The following CCSER1 variants were observed in gnomAD, a reference collection of about 807,000 sequenced individuals.
The protein encoded by CCSER1 is serine-rich coiled-coil domain-containing protein 1.
CCSER1 carries 41 observed loss-of-function variants against 82.0 expected under a neutral mutation model. The ratio of observed to expected loss-of-function variants is 0.50; its 90% CI spans 0.39 to 0.65. The LOEUF (loss-of-function observed/expected upper bound fraction) is 0.65. Ranked by LOEUF, CCSER1 falls within the 30% of genes least tolerant of loss-of-function variation. The pLI is 0.00. For missense variants in CCSER1, 1,119 were observed against 1,064.2 expected (o/e 1.05, Z -0.72); for synonymous variants, 414 against 383.9 (o/e 1.08, Z -0.92).
intron 10 of CCSER1, among the ~76,000 whole-genome samples, chr4:91,178,982 G>T (rs1733708938): frequency 6.6e-6 from 1 of 151,920 alleles, no homozygotes; most frequent in Non-Finnish European, 1.5e-5. Context: ...AGGAGCTCTT[G>T]CAAGGCAGGC....
intron 10 of CCSER1, among the ~76,000 whole-genome samples, chr4:91,317,492 C>G (rs1745914608): frequency 6.6e-6 from 1 of 151,868 alleles, no homozygotes; most frequent in African/African-American, 2.4e-5. Flanking sequence ...GGGTAGGGCT[C>G]TCTGTTTTCT....
intron 9 of CCSER1, among the ~76,000 whole-genome samples, chr4:91,056,855 G>A (rs1743496895): frequency 6.6e-6 from 1 of 152,274 alleles, no homozygotes; most frequent in South Asian, 2.1e-4. Context: ...GGCATGTGTA[G>A]TGACTTTCTA....
At chr4:91,405,559 A>G (rs1381068348) in intron 10 of CCSER1, among the ~76,000 whole-genome samples, 1 of 152,158 alleles carries the variant, frequency 6.6e-6, no homozygotes, top group Non-Finnish European at 1.5e-5. Context: ...CAATCTACCT[A>G]CTGAAGCCTC....
At chr4:90,721,302 A>G (rs1742634425) in intron 6 of CCSER1, among the ~76,000 whole-genome samples, 1 of 151,958 alleles carries the variant, frequency 6.6e-6, no homozygotes, top group Non-Finnish European at 1.5e-5. Flanking sequence ...ACCAAAAACC[A>G]GGTTAAGAAC....
chr4:90,548,231 A>G (rs1341487019), intron 5 of CCSER1, among the ~76,000 whole-genome samples: 1 of 152,120 alleles, frequency 6.6e-6, no homozygotes, highest in African/African-American at 2.4e-5. Flanking sequence ...AGCTAAAGGA[A>G]AAGTAAGGTG....
intron 10 of CCSER1, among the ~76,000 whole-genome samples, chr4:91,192,106 A>T (rs1735043173): frequency 6.6e-6 from 1 of 152,190 alleles, no homozygotes. Context: ...TTTGTGACAC[A>T]GGACATTGGT....
intron 9 of CCSER1, among the ~76,000 whole-genome samples, chr4:91,018,245 A>T (rs1739613359): frequency 6.6e-6 from 1 of 152,138 alleles, no homozygotes; most frequent in East Asian, 1.9e-4. Context: ...CCAAAACAAA[A>T]CTACACTTTC....
At chr4:90,899,662 G>A (rs1424635890) in intron 8 of CCSER1, among the ~76,000 whole-genome samples, 1 of 152,040 alleles carries the variant, frequency 6.6e-6, no homozygotes, top group Non-Finnish European at 1.5e-5. Context: ...ATCATGAAAG[G>A]ATGTTGGATT....
intron 6 of CCSER1, among the ~76,000 whole-genome samples, chr4:90,638,642 C>G (rs1026223969): frequency 6.6e-6 from 1 of 152,078 alleles, no homozygotes; most frequent in Non-Finnish European, 1.5e-5. Flanking sequence ...AGTATTCTGC[C>G]TACATAAATA....
chr4:90,878,920 A>G (rs984924660), intron 8 of CCSER1, among the ~76,000 whole-genome samples: 3 of 152,342 alleles, frequency 2.0e-5, no homozygotes, highest in African/African-American at 2.4e-5. Flanking sequence ...CCAAACAGCT[A>G]TCCACTATTA....
chr4:91,091,617 G>A (rs532133275), intron 10 of CCSER1, among the ~76,000 whole-genome samples: 1 of 152,310 alleles, frequency 6.6e-6, no homozygotes, highest in South Asian at 2.1e-4. Flanking sequence ...TGTGACTGGA[G>A]CAGGGCTTGT....
intron 10 of CCSER1, among the ~76,000 whole-genome samples, chr4:91,201,186 A>G (rs1331856369): frequency 6.6e-6 from 1 of 152,024 alleles, no homozygotes; most frequent in Non-Finnish European, 1.5e-5. Flanking sequence ...ACATTGCAAG[A>G]ATTCAACTTA....
At chr4:91,336,838 C>T (rs916636171) in intron 10 of CCSER1, among the ~76,000 whole-genome samples, 1 of 151,818 alleles carries the variant, frequency 6.6e-6, no homozygotes, top group Non-Finnish European at 1.5e-5. Context: ...ACATTTATGC[C>T]CTCAGGGAAA....
intron 10 of CCSER1, among the ~76,000 whole-genome samples, chr4:91,196,743 A>C (rs1735468871): frequency 6.6e-6 from 1 of 152,182 alleles, no homozygotes; most frequent in Non-Finnish European, 1.5e-5. Context: ...ATTCAGGTTG[A>C]TCTCACCATT....
chr4:90,620,309 G>A (rs1722072109), intron 5 of CCSER1, among the ~76,000 whole-genome samples: 1 of 152,110 alleles, frequency 6.6e-6, no homozygotes, highest in South Asian at 2.1e-4. Flanking sequence ...TGGACTAGAA[G>A]TCAGGAAACC....
At chr4:90,727,309 A>G (rs1428821970) in intron 7 of CCSER1, 1 of 455,408 alleles carries the variant, frequency 2.2e-6, no homozygotes, top group East Asian at 6.9e-5. Flanking sequence ...TAGGAACAAA[A>G]TGTTATCAAA....
chr4:90,960,907 C>G (rs1248509218), intron 9 of CCSER1, among the ~76,000 whole-genome samples: 1 of 152,088 alleles, frequency 6.6e-6, no homozygotes, highest in Non-Finnish European at 1.5e-5. Flanking sequence ...ATTTTTATCC[C>G]CATTTAATAT....
chr4:91,463,263 T>C (rs971897113), intron 10 of CCSER1, among the ~76,000 whole-genome samples: 1 of 152,182 alleles, frequency 6.6e-6, no homozygotes, highest in Admixed American at 6.5e-5. Context: ...GGAGTGGACC[T>C]CCAGCAAACT....
chr4:91,196,555 C>T (rs1409862816), intron 10 of CCSER1, among the ~76,000 whole-genome samples: 1 of 152,190 alleles, frequency 6.6e-6, no homozygotes, highest in Non-Finnish European at 1.5e-5. Flanking sequence ...GACAACCCCC[C>T]TGCCCATACT....
Sources: allele counts gnomAD v4.1 joint callset (sites outside exome capture counted in the v4.1 genomes callset), GRCh38; gene constraint gnomAD v4.1.1; transcripts MANE v1.5; gene names NCBI Gene and HGNC (gene_info 2026-07-23, HGNC 2026-07-21).